The following RASSF3 variants were observed in gnomAD, a reference collection of about 807,000 sequenced individuals.
RASSF3 encodes ras association domain-containing protein 3.
In RASSF3, 19 loss-of-function variants were observed where a neutral mutation model predicts 19.9. The ratio of observed to expected loss-of-function variants is 0.96; its 90% CI spans 0.67 to 1.40. The LOEUF (loss-of-function observed/expected upper bound fraction) is 1.40, where lower values mean the gene tolerates loss of function less well. RASSF3 is among the 40% of genes most tolerant of loss of function. The pLI is 0.00. For synonymous variants in RASSF3, 110 were observed against 104.2 expected (o/e 1.06, Z -0.34); for missense variants, 306 against 289.8 (o/e 1.06, Z -0.41).
At chr12:64,583,116 G>A (rs1181323371) in intron 2 of RASSF3, among the ~76,000 whole-genome samples, 1 of 152,068 alleles carries the variant, frequency 6.6e-6, no homozygotes, top group Non-Finnish European at 1.5e-5. Flanking sequence ...TCTACTCAAG[G>A]CAATGGGAGG....
intron 1 of RASSF3, among the ~76,000 whole-genome samples, chr12:64,649,094 A>G (rs572036790): frequency 6.6e-6 from 1 of 151,570 alleles, no homozygotes; most frequent in Non-Finnish European, 1.5e-5. Flanking sequence ...AAGTAAAGGA[A>G]TGAGTCCAGC....
At chr12:64,674,313 C>G (rs527526873) in intron 1 of RASSF3, among the ~76,000 whole-genome samples, 16 of 152,328 alleles carry the variant, frequency 1.1e-4, no homozygotes, top group African/African-American at 3.8e-4. Context: ...CAAATGCAGT[C>G]TTGCAGCAGT....
chr12:64,669,120 A>C (rs1296675435), intron 1 of RASSF3, among the ~76,000 whole-genome samples: 1 of 152,188 alleles, frequency 6.6e-6, no homozygotes, highest in East Asian at 1.9e-4. Flanking sequence ...TGTCCTGTTT[A>C]ACCTCGAGGA....
At chr12:64,556,878 C>T (rs550114925) in intron 2 of RASSF3, among the ~76,000 whole-genome samples, 57 of 148,670 alleles carry the variant, frequency 3.8e-4, no homozygotes, top group African/African-American at 1.4e-3. Context: ...GCTCCGTCGC[C>T]CAGGCTGAAG....
At chr12:64,656,600 AAATGCTGAG>A (rs1257917846) in intron 1 of RASSF3, among the ~76,000 whole-genome samples, 35 of 152,280 alleles carry the variant, frequency 2.3e-4, no homozygotes, top group African/African-American at 8.2e-4. Context: ...GGTGGTGGGG[AAATGCTGAG>A]TGGCCCTGAC....
chr12:64,661,900 C>T (rs1454649872), intron 1 of RASSF3, among the ~76,000 whole-genome samples: 3 of 150,814 alleles, frequency 2.0e-5, no homozygotes, highest in Non-Finnish European at 2.9e-5. Flanking sequence ...AGGCGGTTCT[C>T]GAACTCTTGA....
intron 2 of RASSF3, among the ~76,000 whole-genome samples, chr12:64,686,234 T>C (rs1338435965): frequency 1.3e-5 from 2 of 152,040 alleles, no homozygotes. Context: ...AAATTATCCA[T>C]GTCATTTTAA....
chr12:64,569,529 G>A (rs1869484388), intron 2 of RASSF3, among the ~76,000 whole-genome samples: 2 of 152,218 alleles, frequency 1.3e-5, no homozygotes, highest in Non-Finnish European at 2.9e-5. Context: ...TCTCCCTTGG[G>A]GATGTTAGGG....
chr12:64,567,497 C>T (rs1320953780), intron 2 of RASSF3, among the ~76,000 whole-genome samples: 1 of 152,176 alleles, frequency 6.6e-6, no homozygotes, highest in Non-Finnish European at 1.5e-5. Flanking sequence ...CCCCTCAAAC[C>T]TCTCCTGCAC....
intron 2 of RASSF3, among the ~76,000 whole-genome samples, chr12:64,602,477 A>T (rs1870109721): frequency 6.6e-6 from 1 of 151,530 alleles, no homozygotes. Flanking sequence ...GCTACTCTGG[A>T]GGCTGAGACA....
intron 1 of RASSF3, among the ~76,000 whole-genome samples, chr12:64,680,011 A>G (rs912657672): frequency 2.6e-5 from 4 of 151,884 alleles, no homozygotes; most frequent in Non-Finnish European, 5.9e-5. Context: ...CCGCTGCACC[A>G]TTTTCTTTTA....
At chr12:64,597,602 C>T (rs889032165) in intron 2 of RASSF3, among the ~76,000 whole-genome samples, 9 of 151,680 alleles carry the variant, frequency 5.9e-5, no homozygotes, top group East Asian at 1.9e-4. Context: ...GATTTACAGT[C>T]GTGCACCACC....
intron 1 of RASSF3, among the ~76,000 whole-genome samples, chr12:64,661,576 A>G (rs1872359480): frequency 6.6e-6 from 1 of 151,448 alleles, no homozygotes; most frequent in Non-Finnish European, 1.5e-5. Context: ...TTGAAGTCCT[A>G]GCTAGCTGCT....
chr12:64,624,738 C>T (rs1870925231), intron 1 of RASSF3, among the ~76,000 whole-genome samples: 1 of 152,158 alleles, frequency 6.6e-6, no homozygotes, highest in South Asian at 2.1e-4. Flanking sequence ...AGGCTCACTG[C>T]AAGCTCTGCC....
intron 2 of RASSF3, among the ~76,000 whole-genome samples, chr12:64,555,809 C>A (rs1316746376): frequency 6.6e-6 from 1 of 150,628 alleles, no homozygotes; most frequent in African/African-American, 2.4e-5. Context: ...AATCCTAGAA[C>A]TTTGGGAGGC....
intron 1 of RASSF3, among the ~76,000 whole-genome samples, chr12:64,527,922 G>A (rs541248304): frequency 1.5e-4 from 22 of 151,060 alleles, no homozygotes; most frequent in African/African-American, 5.1e-4. Context: ...GTGACAAAGC[G>A]ACACTCTGTC....
chr12:64,509,931 G>A (rs1349349308), intron 1 of RASSF3, among the ~76,000 whole-genome samples: 7 of 151,764 alleles, frequency 4.6e-5, no homozygotes, highest in African/African-American at 1.7e-4. Flanking sequence ...TACTAAAAAT[G>A]CAAAAATTAG....
chr12:64,599,856 C>A (rs2136144871), intron 2 of RASSF3, among the ~76,000 whole-genome samples: 1 of 151,774 alleles, frequency 6.6e-6, no homozygotes, highest in African/African-American at 2.4e-5. Context: ...CACGGTGAAA[C>A]CCCGTCTCTA....
intron 1 of RASSF3, among the ~76,000 whole-genome samples, chr12:64,616,257 C>G (rs1870547400): frequency 6.6e-6 from 1 of 152,126 alleles, no homozygotes. Flanking sequence ...CTGGCCAACT[C>G]ACAAGATTTG....
Sources: allele counts gnomAD v4.1 joint callset (sites outside exome capture counted in the v4.1 genomes callset), GRCh38; gene constraint gnomAD v4.1.1; transcripts MANE v1.5; gene names NCBI Gene and HGNC (gene_info 2026-07-23, HGNC 2026-07-21).